Variants in GPBP1L1 observed in about 807,000 individuals in gnomAD.
The protein encoded by GPBP1L1 is GC-rich promoter binding protein 1 like 1, also known as vasculin-like protein 1.
A neutral mutation model predicts 52.5 loss-of-function variants in GPBP1L1; 23 were observed. The ratio of observed to expected loss-of-function variants is 0.44; its 90% confidence interval spans 0.32 to 0.62. The LOEUF (loss-of-function observed/expected upper bound fraction) is 0.62. Ranked by LOEUF, GPBP1L1 falls within the 20% of genes least tolerant of loss-of-function variation. The pLI is 0.06. For missense variants in GPBP1L1, 596 were observed against 579.3 expected (o/e 1.03, Z -0.30); for synonymous variants, 243 against 203.1 (o/e 1.20, Z -1.67).
chr1:45,653,442 A>G (rs935235761), intron 6 of GPBP1L1, among the ~76,000 whole-genome samples: 7 of 152,048 alleles, frequency 4.6e-5, no homozygotes, highest in Non-Finnish European at 7.4e-5. Context: ...TGCAGCCTCA[A>G]ACTCCTGGGC....
Position 45,640,380 on chromosome 1 carries a change from G to T in GPBP1L1, c.574C>A (p.Pro192Thr). The T allele has an allele frequency of 6.2e-7, 1 of 1,613,906 alleles. No homozygotes were observed. Among genetic ancestry groups the T allele is most frequent in the Non-Finnish European group, 8.5e-7 (1 of 1,179,996 alleles). The change falls in exon 8 of 13, where the codon CCC (proline) becomes ACC (threonine). Residue 192 changes from proline (P) to threonine (T), a missense_variant. Transcript: ENST00000355105. ...VWENPPSAKQ[P>T]SKMLVIKKVS... is the part of the protein sequence containing the mutation. The stretch of plus-strand genomic sequence containing the variant: ...TTTTTGATAACTAGCATCTTGGAGG[G>T]TTGCTTGGCACTAGGCGGGTTTTCT...
chr1:45,666,111 C>A (rs942107589), intron 2 of GPBP1L1, among the ~76,000 whole-genome samples: 13 of 151,168 alleles, frequency 8.6e-5, no homozygotes, highest in African/African-American at 2.9e-4. Flanking sequence ...ATCCCTGCCT[C>A]TGAAAATGAA....
rs562934717 is a variant in GPBP1L1, at chr1:45,638,452, A to G, written c.744+1758T>C. On this transcript the variant is annotated intron_variant, in intron 8 of 12. Transcript: ENST00000355105. ...TCTCAGTTATTTTCCTCAACTTGTTACCCCTGTTGCTATTGCAAACTCACC... is the reference window on the plus strand; with the variant it reads ...TCTCAGTTATTTTCCTCAACTTGTTGCCCCTGTTGCTATTGCAAACTCACC... Among the ~76,000 whole-genome samples the G allele has an allele frequency of 1.6e-4, 25 of 152,280 alleles. No individual in the cohort carries two copies. The South Asian group carries it at 5.2e-3, about 32-fold the overall frequency.
intron 8 of GPBP1L1, chr1:45,635,770 T>C (rs918510175): frequency 1.3e-5 from 2 of 152,184 alleles, no homozygotes; most frequent in African/African-American, 4.8e-5. Flanking sequence ...TTCAGAATCT[T>C]CTTCTACTGG....
At chr1:45,676,411 G>A (rs570488268) in intron 2 of GPBP1L1, among the ~76,000 whole-genome samples, 2 of 151,536 alleles carry the variant, frequency 1.3e-5, no homozygotes, top group Non-Finnish European at 1.5e-5. Flanking sequence ...GACAAACCTG[G>A]GAAACAGGGC....
At chr1:45,656,366 C>T (rs565950833) in intron 4 of GPBP1L1, among the ~76,000 whole-genome samples, 1 of 152,216 alleles carries the variant, frequency 6.6e-6, no homozygotes, top group Non-Finnish European at 1.5e-5. Context: ...CAAGGAAAAC[C>T]GTAAATCGGG....
chr1:45,630,627 GAC>G lies in GPBP1L1; in HGVS notation c.1045-23_1045-22del, dbSNP rs746763013. 9 of 1,613,102 alleles carry G rather than the reference GAC, an allele frequency of 5.6e-6. No individual in the cohort carries two copies. The Admixed American group carries it at 1.3e-4, about 24-fold the overall frequency. Reference sequence around the variant, plus strand: ...TCCAACTGCAATAAGGAAAAGGAAGGACACAGTTGGTTTAAGGTTCCTTTGTA... The same window carrying G: ...TCCAACTGCAATAAGGAAAAGGAAGGACAGTTGGTTTAAGGTTCCTTTGTA... On this transcript the variant is annotated intron_variant, in intron 10 of 12. Transcript: ENST00000355105.
At chr1:45,675,455 T>G (rs1645127974) in intron 2 of GPBP1L1, among the ~76,000 whole-genome samples, 3 of 152,236 alleles carry the variant, frequency 2.0e-5, no homozygotes. Context: ...TCTCTATCTT[T>G]TTATAGACGG....
chr1:45,630,460 C>T (rs770275002), intron 11 of GPBP1L1, 22 bp downstream of exon 11: 1 of 1,612,942 alleles, frequency 6.2e-7, no homozygotes, highest in South Asian at 1.1e-5. Flanking sequence ...ACTGCATGCC[C>T]TGTGATGTCC....
chr1:45,649,545 G>A (rs529278274), intron 6 of GPBP1L1, among the ~76,000 whole-genome samples: 1 of 151,860 alleles, frequency 6.6e-6, no homozygotes, highest in African/African-American at 2.4e-5. Flanking sequence ...GGGCTTGTCT[G>A]AGGTCTCCTA....
At chr1:45,670,001 C>T (rs1569866820) in intron 2 of GPBP1L1, among the ~76,000 whole-genome samples, 2 of 152,312 alleles carry the variant, frequency 1.3e-5, no homozygotes. Flanking sequence ...ATAAATATTT[C>T]CTGAATGAGT....
intron 6 of GPBP1L1, chr1:45,651,803 C>T: frequency 3.6e-6 from 1 of 280,060 alleles, no homozygotes. Flanking sequence ...ACTTCTTCCC[C>T]TTGCCCTTCT....
Position 45,633,944 on chromosome 1 carries a change from T to C in GPBP1L1, c.885+152A>G, listed in dbSNP as rs888867554. 6.6e-6 allele frequency: 6 copies of C among 908,900 alleles called. No individual in the cohort carries two copies. The African/African-American group carries it at 1.0e-4, about 15-fold the overall frequency. The allele number at this position is 908,900 out of a possible 1,614,324, so 56.3% of individuals were successfully genotyped here. On this transcript the variant is annotated intron_variant, in intron 9 of 12. Coordinates refer to ENST00000355105, the MANE Select transcript of GPBP1L1 (RefSeq NM_021639.5). ...TATCCCATTTAGCCACTGCCCACTT[T>C]TGGATGCTAACAGAAAACATCAATA... is the stretch of plus-strand genomic sequence containing the variant.
At chr1:45,682,970 G>A (rs755500815) in intron 2 of GPBP1L1, among the ~76,000 whole-genome samples, 1 of 151,896 alleles carries the variant, frequency 6.6e-6, no homozygotes, top group Non-Finnish European at 1.5e-5. Context: ...CCAGACAACA[G>A]CAACTACAGC....
In GPBP1L1 at chr1:45,676,148, T is replaced by C. The variant is rs1200274292; in HGVS notation, c.-1098+9428A>G. On this transcript the variant is annotated intron_variant, in intron 2 of 12. Transcript: ENST00000355105. ...CTTAACAGAAAAGAGCCCAAAGCCA[T>C]TTTCTACTTTAGTACTACTTATTTT... Among the ~76,000 whole-genome samples the C allele has an allele frequency of 3.3e-5, 5 of 152,200 alleles. No homozygotes were observed. In the South Asian group the frequency reaches 1.0e-3, roughly 32 times the overall value.
chr1:45,632,536 C>T (rs1322090997), intron 10 of GPBP1L1, among the ~76,000 whole-genome samples: 2 of 152,004 alleles, frequency 1.3e-5, no homozygotes, highest in Non-Finnish European at 2.9e-5. Flanking sequence ...GCCAACATGA[C>T]GAAACTCCAT....
At chr1:45,634,541 G>A (rs1644570556) in intron 8 of GPBP1L1, 1 of 233,008 alleles carries the variant, frequency 4.3e-6, no homozygotes, top group East Asian at 8.3e-5. Context: ...GTTCTTCACT[G>A]TGCAATTTCT....
chr1:45,636,143 C>A (rs946761237), intron 8 of GPBP1L1, among the ~76,000 whole-genome samples: 6 of 152,148 alleles, frequency 3.9e-5, no homozygotes, highest in Admixed American at 6.5e-5. Flanking sequence ...CAAAGGCCAG[C>A]TCTAAAAAAC....
intron 9 of GPBP1L1, 55 bp from the exon 10 acceptor site, chr1:45,633,702 T>C (rs1644559939): frequency 6.4e-7 from 1 of 1,567,250 alleles, no homozygotes; most frequent in African/African-American, 1.4e-5. Context: ...AGAACTGGGG[T>C]TCTCTTCTAC....
Sources: allele counts gnomAD v4.1 joint callset (sites outside exome capture counted in the v4.1 genomes callset), GRCh38; gene constraint gnomAD v4.1.1; transcripts MANE v1.5; gene names NCBI Gene and HGNC (gene_info 2026-07-23, HGNC 2026-07-21).